Variants in GALNT13 observed in about 807,000 individuals in gnomAD.
GALNT13 encodes UDP-GalNAc:polypeptide N-acetylgalactosaminyltransferase 13.
Under a neutral mutation model 64.2 loss-of-function variants are expected in GALNT13, and 28 were observed. That is an observed-to-expected ratio of 0.44 (90% confidence interval 0.32 to 0.60). The LOEUF (loss-of-function observed/expected upper bound fraction) is 0.60, where lower values mean the gene tolerates loss of function less well. Among genes scored for constraint, GALNT13 ranks in the 20% least tolerant of loss-of-function variants. GALNT13 has a pLI of 0.05. For synonymous variants in GALNT13, 214 were observed against 224.6 expected, an observed-to-expected ratio of 0.95 and a Z score of 0.42; for missense variants, 577 against 669.8, an observed-to-expected ratio of 0.86 and a Z score of 1.53.
At chr2:153,251,269 C>G in the GALNT13 span, among the ~76,000 whole-genome samples, 1 of 152,082 alleles carries the variant, frequency 6.6e-6, no homozygotes, top group African/African-American at 2.4e-5. Context: ...TGTATGTTAA[C>G]AGTAATAATT....
At chr2:153,501,190 A>C in the GALNT13 span, among the ~76,000 whole-genome samples, 1 of 152,248 alleles carries the variant, frequency 6.6e-6, no homozygotes, top group Non-Finnish European at 1.5e-5. Context: ...TTTAGCCAAA[A>C]TGATGACTCA....
chr2:153,362,111 C>T, the GALNT13 span, among the ~76,000 whole-genome samples: 2 of 152,034 alleles, frequency 1.3e-5, no homozygotes. Flanking sequence ...ATTTTATATC[C>T]CGTCAAACTA....
intron 3 of GALNT13, among the ~76,000 whole-genome samples, chr2:154,120,917 G>T (rs1558969577): frequency 6.6e-6 from 1 of 152,058 alleles, no homozygotes; most frequent in Non-Finnish European, 1.5e-5. Context: ...TTCTGTCTGA[G>T]TCTGAGTATT....
the GALNT13 span, among the ~76,000 whole-genome samples, chr2:153,093,240 T>G: frequency 7.1e-6 from 1 of 141,502 alleles, no homozygotes; most frequent in Non-Finnish European, 1.5e-5. Flanking sequence ...TCTTTTCTTT[T>G]CTTTTTTTTT....
the GALNT13 span, among the ~76,000 whole-genome samples, chr2:153,445,862 A>T: frequency 6.6e-6 from 1 of 152,202 alleles, no homozygotes; most frequent in Non-Finnish European, 1.5e-5. Flanking sequence ...GCCCATTCTC[A>T]TCACTATCTT....
intron 4 of GALNT13, among the ~76,000 whole-genome samples, chr2:154,234,135 A>C (rs1051848722): frequency 6.6e-6 from 1 of 152,136 alleles, no homozygotes; most frequent in African/African-American, 2.4e-5. Flanking sequence ...TTTTTTGGGA[A>C]ATAGTGAATA....
At chr2:154,312,205 CA>C (rs11343901) in intron 9 of GALNT13, among the ~76,000 whole-genome samples, 142,769 of 151,342 alleles carry the variant, frequency 0.94, 67,849 homozygotes, top group Non-Finnish European at 1. Context: ...TAAGAAATTA[CA>C]AAAGTATTAA....
intron 9 of GALNT13, among the ~76,000 whole-genome samples, chr2:154,384,194 G>C (rs1698404391): frequency 1.3e-5 from 2 of 151,906 alleles, no homozygotes; most frequent in Admixed American, 1.3e-4. Flanking sequence ...TGTTTTGCTA[G>C]TGACTAATAT....
chr2:153,532,754 C>T, the GALNT13 span, among the ~76,000 whole-genome samples: 1 of 152,186 alleles, frequency 6.6e-6, no homozygotes, highest in Non-Finnish European at 1.5e-5. Flanking sequence ...ATTTCTTCCA[C>T]CAGATTCCCT....
the GALNT13 span, among the ~76,000 whole-genome samples, chr2:153,721,986 C>A: frequency 5.8e-3 from 869 of 148,890 alleles, 16 homozygotes; most frequent in African/African-American, 0.021. Flanking sequence ...CTCTCCACCC[C>A]AAATCAACAG....
intron 3 of GALNT13, among the ~76,000 whole-genome samples, chr2:154,016,504 G>A (rs111902252): frequency 2.0e-5 from 3 of 152,060 alleles, no homozygotes; most frequent in African/African-American, 2.4e-5. Flanking sequence ...TGCAACTTCC[G>A]CCTCCCTGGT....
chr2:153,339,433 C>A, the GALNT13 span, among the ~76,000 whole-genome samples: 4 of 152,086 alleles, frequency 2.6e-5, no homozygotes, highest in African/African-American at 9.7e-5. Flanking sequence ...AATATCTATT[C>A]ATGTCTGCTA....
the GALNT13 span, among the ~76,000 whole-genome samples, chr2:153,133,420 T>C: frequency 6.6e-6 from 1 of 152,116 alleles, no homozygotes; most frequent in African/African-American, 2.4e-5. Context: ...TCCTGAGTGG[T>C]ATCTGGAATT....
intron 2 of GALNT13, among the ~76,000 whole-genome samples, chr2:153,937,531 A>C (rs1289647736): frequency 2.6e-5 from 4 of 152,214 alleles, no homozygotes; most frequent in South Asian, 2.1e-4. Context: ...TTTTTGAGGA[A>C]AGGAAATGCC....
At chr2:153,180,875 T>C in the GALNT13 span, among the ~76,000 whole-genome samples, 2 of 151,906 alleles carry the variant, frequency 1.3e-5, no homozygotes, top group Non-Finnish European at 2.9e-5. Context: ...TTCTGTAGTA[T>C]CAGTTGTAAT....
the GALNT13 span, among the ~76,000 whole-genome samples, chr2:153,604,660 C>T: frequency 3.3e-5 from 5 of 151,982 alleles, no homozygotes; most frequent in African/African-American, 1.2e-4. Flanking sequence ...TTATGTGTGG[C>T]TCCTTCAGTT....
chr2:154,345,105 T>TGAC (rs1301507964), intron 9 of GALNT13, among the ~76,000 whole-genome samples: 1 of 151,984 alleles, frequency 6.6e-6, no homozygotes, highest in Admixed American at 6.6e-5. Flanking sequence ...AGGAGCAGCT[T>TGAC]TTGTATATCT....
the GALNT13 span, among the ~76,000 whole-genome samples, chr2:153,203,383 T>TA: frequency 2.6e-5 from 4 of 152,190 alleles, no homozygotes; most frequent in Non-Finnish European, 5.9e-5. Context: ...AAAATAGATA[T>TA]AAAAAATTGG....
At chr2:153,573,688 A>G in the GALNT13 span, among the ~76,000 whole-genome samples, 3,691 of 152,150 alleles carry the variant, frequency 0.024, 158 homozygotes, top group African/African-American at 0.083. Context: ...ACTTAACACT[A>G]TTTGTATGAA....
Sources: gnomAD v4.1 joint callset for allele counts (sites outside exome capture counted in the v4.1 genomes callset) on GRCh38, gnomAD v4.1.1 for gene constraint, MANE v1.5 for transcripts, NCBI Gene and HGNC (gene_info 2026-07-23, HGNC 2026-07-21) for gene names.